RIT2: variants seen among roughly 807,000 people sequenced by gnomAD.
The protein encoded by RIT2 is Ras like without CAAX 2.
RIT2 carries 24 observed loss-of-function variants against 23.7 expected under a neutral mutation model. The ratio of observed to expected loss-of-function variants is 1.01; its 90% CI spans 0.73 to 1.43. RIT2 has a LOEUF of 1.43. RIT2 is among the 40% of genes most tolerant of loss of function. RIT2 has a pLI of 0.00. For missense variants in RIT2, 236 were observed against 266.9 expected, an observed-to-expected ratio of 0.88 and a Z score of 0.81; for synonymous variants, 107 against 91.1, an observed-to-expected ratio of 1.17 and a Z score of -0.99.
At chr18:42,987,110 G>C (rs1429852196) in intron 2 of RIT2, among the ~76,000 whole-genome samples, 2 of 152,016 alleles carry the variant, frequency 1.3e-5, no homozygotes, top group Non-Finnish European at 2.9e-5. Context: ...TGAATTATTG[G>C]TTTCAGTTAT....
chr18:43,111,476 G>A (rs1461910950), intron 1 of RIT2, among the ~76,000 whole-genome samples: 1 of 152,044 alleles, frequency 6.6e-6, no homozygotes, highest in African/African-American at 2.4e-5. Flanking sequence ...AATAAATGAT[G>A]AATGTTTGAG....
chr18:42,909,588 C>T (rs553980389), intron 4 of RIT2, among the ~76,000 whole-genome samples: 11 of 151,986 alleles, frequency 7.2e-5, no homozygotes, highest in Admixed American at 6.6e-5. Flanking sequence ...GTGACAGTTC[C>T]AATAAATCTC....
intron 1 of RIT2, among the ~76,000 whole-genome samples, chr18:43,043,645 C>A (rs1912180027): frequency 6.6e-6 from 1 of 151,762 alleles, no homozygotes; most frequent in African/African-American, 2.4e-5. Context: ...ACAAAATTAG[C>A]CGGGCTTGGT....
chr18:43,070,246 G>A (rs1186491930), intron 1 of RIT2, among the ~76,000 whole-genome samples: 1 of 152,012 alleles, frequency 6.6e-6, no homozygotes, highest in African/African-American at 2.4e-5. Context: ...TAGAGGAATT[G>A]GTAACCAACA....
intron 2 of RIT2, among the ~76,000 whole-genome samples, chr18:42,980,403 C>T (rs990061568): frequency 2.6e-5 from 4 of 152,050 alleles, no homozygotes; most frequent in Admixed American, 2.0e-4. Flanking sequence ...AAATCAACTA[C>T]CCCACTAGCA....
intron 2 of RIT2, among the ~76,000 whole-genome samples, chr18:42,996,746 T>A (rs2144235955): frequency 6.6e-6 from 1 of 152,136 alleles, no homozygotes; most frequent in Non-Finnish European, 1.5e-5. Flanking sequence ...TGCACCCAGG[T>A]GATTAAAAGC....
At chr18:42,753,050 C>T (rs535689976) in intron 4 of RIT2, among the ~76,000 whole-genome samples, 34 of 152,246 alleles carry the variant, frequency 2.2e-4, no homozygotes, top group African/African-American at 6.0e-4. Flanking sequence ...AATGCTATTT[C>T]CCATCTGCCA....
chr18:42,948,981 A>G (rs1014469174), intron 3 of RIT2: 1 of 397,654 alleles, frequency 2.5e-6, no homozygotes, highest in Non-Finnish European at 4.4e-6. Flanking sequence ...TGGTTTTTCA[A>G]CTTACTTTTC....
chr18:42,923,780 A>AG lies in RIT2; in HGVS notation c.235-18_235-17insC, dbSNP rs773235643. 3.8e-6 allele frequency: 6 copies of AG among 1,581,920 alleles called. No individual in the cohort carries two copies. The African/African-American group carries it at 8.3e-5, about 22-fold the overall frequency. ...GAATTCTGCCTGCAGGAAAAAAAAA[A>AG]AAAAATTAGTTATGGGCTTTCAATA... is the stretch of plus-strand genomic sequence containing the variant. On this transcript the variant is annotated splice_polypyrimidine_tract_variant and intron_variant, in intron 3 of 4. Transcript: ENST00000326695.
chr18:42,765,215 G>A (rs187169297), intron 4 of RIT2, among the ~76,000 whole-genome samples: 2 of 152,198 alleles, frequency 1.3e-5, no homozygotes, highest in African/African-American at 4.8e-5. Flanking sequence ...CCAATAACAA[G>A]AAATGTATGC....
chr18:42,756,014 G>T (rs573547868), intron 4 of RIT2, among the ~76,000 whole-genome samples: 2 of 152,058 alleles, frequency 1.3e-5, no homozygotes, highest in Non-Finnish European at 2.9e-5. Flanking sequence ...TCGGTAAAGG[G>T]ACTAAGAAAG....
chr18:42,753,014 C>T (rs570774591), intron 4 of RIT2, among the ~76,000 whole-genome samples: 7 of 152,228 alleles, frequency 4.6e-5, no homozygotes, highest in East Asian at 1.9e-4. Flanking sequence ...AGAAGATCAC[C>T]GTGTAATATG....
At chr18:42,957,652 C>A (rs1910003711) in intron 3 of RIT2, among the ~76,000 whole-genome samples, 1 of 152,158 alleles carries the variant, frequency 6.6e-6, no homozygotes, top group African/African-American at 2.4e-5. Flanking sequence ...GGCATGGTGG[C>A]ATGCACCTGT....
chr18:42,824,218 G>A (rs1264887665), intron 4 of RIT2, among the ~76,000 whole-genome samples: 1 of 152,066 alleles, frequency 6.6e-6, no homozygotes, highest in Non-Finnish European at 1.5e-5. Context: ...GTTATACACT[G>A]AAAGAAGTGA....
chr18:43,011,478 C>T (rs1024248409), intron 2 of RIT2, among the ~76,000 whole-genome samples: 3 of 151,620 alleles, frequency 2.0e-5, no homozygotes, highest in African/African-American at 7.2e-5. Context: ...CTAGCTCCAC[C>T]TTTTATTTTA....
chr18:42,874,627 A>G (rs949778115), intron 4 of RIT2, among the ~76,000 whole-genome samples: 2 of 152,090 alleles, frequency 1.3e-5, no homozygotes, highest in African/African-American at 4.8e-5. Context: ...TGAAACCACC[A>G]TTTTGCCTGT....
intron 3 of RIT2, among the ~76,000 whole-genome samples, chr18:42,971,125 T>G (rs543898362): frequency 1.3e-5 from 2 of 152,122 alleles, no homozygotes; most frequent in East Asian, 3.9e-4. Flanking sequence ...GTTGTAAGGA[T>G]AGTAAACTTC....
intron 1 of RIT2, among the ~76,000 whole-genome samples, chr18:43,075,454 T>G (rs541360794): frequency 3.9e-5 from 6 of 152,316 alleles, no homozygotes; most frequent in African/African-American, 1.4e-4. Flanking sequence ...TAAATCTTAA[T>G]GTTTAATTAG....
In RIT2 at chr18:42,985,235, T is replaced by C. The variant is rs184395242; in HGVS notation, c.161-11088A>G. The stretch of plus-strand genomic sequence containing the variant: ...TCTTGTAAAATGTTTGTAAGACTTC[T>C]ACTTAGAAAGCTATGAGATGTTATG... On this transcript the variant is annotated intron_variant, in intron 2 of 4. Coordinates refer to ENST00000326695, the MANE Select transcript of RIT2 (RefSeq NM_002930.4). 5.3e-5 allele frequency among the ~76,000 whole-genome samples: 8 copies of C among 152,284 alleles called. No homozygotes were observed. The East Asian group carries it at 1.4e-3, about 26-fold the overall frequency.
Sources: allele counts gnomAD v4.1 joint callset (sites outside exome capture counted in the v4.1 genomes callset), GRCh38; gene constraint gnomAD v4.1.1; transcripts MANE v1.5; gene names NCBI Gene and HGNC (gene_info 2026-07-23, HGNC 2026-07-21).